SORCS3: variants seen among roughly 807,000 people sequenced by gnomAD.
The protein encoded by SORCS3 is sortilin related VPS10 domain containing receptor 3.
Under a neutral mutation model 146.3 loss-of-function variants are expected in SORCS3, and 57 were observed. That is an observed-to-expected ratio of 0.39 (90% CI 0.31 to 0.49). The LOEUF is 0.49. Ranked by LOEUF, SORCS3 falls within the 20% of genes least tolerant of loss-of-function variation. The pLI is 0.92. For synonymous variants in SORCS3, 653 were observed against 618.5 expected (o/e 1.06, Z -0.83); for missense variants, 1,341 against 1,575.5 (o/e 0.85, Z 2.52).
intron 1 of SORCS3, among the ~76,000 whole-genome samples, chr10:104,831,732 G>C (rs1373045552): frequency 6.6e-6 from 1 of 152,206 alleles, no homozygotes; most frequent in African/African-American, 2.4e-5. Flanking sequence ...CAGTTCCTGG[G>C]AATGTTCAAA....
chr10:104,832,338 G>C (rs2018009949), intron 1 of SORCS3, among the ~76,000 whole-genome samples: 1 of 152,090 alleles, frequency 6.6e-6, no homozygotes, highest in African/African-American at 2.4e-5. Flanking sequence ...ATCCCAGCTG[G>C]TAAGTAACCC....
At chr10:105,120,815 G>A (rs777684018) in intron 7 of SORCS3, among the ~76,000 whole-genome samples, 1 of 152,174 alleles carries the variant, frequency 6.6e-6, no homozygotes, top group African/African-American at 2.4e-5. Flanking sequence ...TTCATTTTAT[G>A]TATCACCCCT....
intron 14 of SORCS3, among the ~76,000 whole-genome samples, chr10:105,186,096 A>G (rs1046357664): frequency 6.6e-6 from 1 of 152,222 alleles, no homozygotes; most frequent in African/African-American, 2.4e-5. Flanking sequence ...ATCTTTATGT[A>G]TGCCTCCAGG....
chr10:105,155,571 G>T (rs553367290), intron 9 of SORCS3, among the ~76,000 whole-genome samples: 1 of 152,318 alleles, frequency 6.6e-6, no homozygotes, highest in South Asian at 2.1e-4. Flanking sequence ...GGAATGATTA[G>T]TAGTCAGGTT....
chr10:104,655,161 G>A (rs774608150), intron 1 of SORCS3, among the ~76,000 whole-genome samples: 4 of 151,480 alleles, frequency 2.6e-5, no homozygotes, highest in Non-Finnish European at 5.9e-5. Flanking sequence ...GCTGAGGCAG[G>A]AGAATCACTT....
chr10:105,106,637 C>T (rs1483612905), intron 7 of SORCS3, among the ~76,000 whole-genome samples: 1 of 152,142 alleles, frequency 6.6e-6, no homozygotes, highest in Non-Finnish European at 1.5e-5. Flanking sequence ...GTAGGCATCG[C>T]AGTTACTTCT....
chr10:105,134,865 C>G (rs1214627221), intron 7 of SORCS3, among the ~76,000 whole-genome samples: 2 of 152,162 alleles, frequency 1.3e-5, no homozygotes, highest in African/African-American at 4.8e-5. Context: ...TCCAAAGTCT[C>G]ATCTGCGTAT....
intron 1 of SORCS3, among the ~76,000 whole-genome samples, chr10:104,659,204 T>G (rs1371772254): frequency 2.0e-5 from 3 of 152,200 alleles, no homozygotes; most frequent in Non-Finnish European, 4.4e-5. Flanking sequence ...AGAGGACCAT[T>G]TTTCATGTTG....
chr10:104,829,564 G>A (rs1393551506), intron 1 of SORCS3, among the ~76,000 whole-genome samples: 2 of 152,122 alleles, frequency 1.3e-5, no homozygotes, highest in African/African-American at 4.8e-5. Flanking sequence ...GCCATTTGGG[G>A]CCAGGTTGAG....
chr10:105,006,364 A>G (rs192248971), intron 4 of SORCS3, among the ~76,000 whole-genome samples: 2 of 152,238 alleles, frequency 1.3e-5, no homozygotes, highest in Admixed American at 1.3e-4. Flanking sequence ...CAGAATCACA[A>G]CACTCTTTAC....
At chr10:104,935,554 A>G (rs988324141) in intron 3 of SORCS3, among the ~76,000 whole-genome samples, 5 of 152,060 alleles carry the variant, frequency 3.3e-5, no homozygotes, top group Non-Finnish European at 7.4e-5. Flanking sequence ...TCATCCATCA[A>G]ATTTTATTTA....
chr10:105,214,709 C>T (rs763309523), intron 18 of SORCS3, 96 bp downstream of exon 18: 15 of 1,197,644 alleles, frequency 1.3e-5, no homozygotes, highest in Non-Finnish European at 1.6e-5. Context: ...ACCCCTGCAC[C>T]AAAGTCAATG....
intron 4 of SORCS3, among the ~76,000 whole-genome samples, chr10:105,016,155 A>ATTTTTTTTTTT (rs10625699): frequency 9.9e-6 from 1 of 101,344 alleles, no homozygotes; most frequent in African/African-American, 4.8e-5. Flanking sequence ...ATATATATAT[A>ATTTTTTTTTTT]TTTTTTTTTT....
intron 1 of SORCS3, among the ~76,000 whole-genome samples, chr10:104,720,732 A>G (rs1270340928): frequency 6.6e-6 from 1 of 152,162 alleles, no homozygotes; most frequent in Non-Finnish European, 1.5e-5. Context: ...GCCAGTGATG[A>G]TGAGCATTTT....
intron 3 of SORCS3, among the ~76,000 whole-genome samples, chr10:104,958,898 A>T (rs965248547): frequency 1.3e-5 from 2 of 152,126 alleles, no homozygotes; most frequent in Admixed American, 6.6e-5. Flanking sequence ...AAACCATCAG[A>T]TCTTGTGAGA....
chr10:104,980,410 T>G (rs2054925525), intron 4 of SORCS3, among the ~76,000 whole-genome samples: 1 of 151,790 alleles, frequency 6.6e-6, no homozygotes, highest in Non-Finnish European at 1.5e-5. Flanking sequence ...TGCAGAAGAG[T>G]TTTTCTTTAT....
At chr10:104,850,817 C>G (rs115674460) in intron 2 of SORCS3, among the ~76,000 whole-genome samples, 241 of 152,362 alleles carry the variant, frequency 1.6e-3, no homozygotes, top group African/African-American at 5.7e-3. Flanking sequence ...ACAGGAAGCA[C>G]ACACAGGATT....
At chr10:105,030,581 A>AGATGCT (rs1309753794) in intron 4 of SORCS3, among the ~76,000 whole-genome samples, 2 of 149,364 alleles carry the variant, frequency 1.3e-5, no homozygotes, top group Non-Finnish European at 3.0e-5. Context: ...TCTCCAAAGA[A>AGATGCT]GATGCTGAAG....
chr10:105,027,453 G>A (rs1301227683), intron 4 of SORCS3, among the ~76,000 whole-genome samples: 1 of 152,180 alleles, frequency 6.6e-6, no homozygotes, highest in Non-Finnish European at 1.5e-5. Flanking sequence ...CTTTGTAGCA[G>A]CTACTGCTTC....
Sources: gnomAD v4.1 joint callset for allele counts (sites outside exome capture counted in the v4.1 genomes callset) on GRCh38, gnomAD v4.1.1 for gene constraint, MANE v1.5 for transcripts, NCBI Gene and HGNC (gene_info 2026-07-23, HGNC 2026-07-21) for gene names.